The following SAMD4B variants were observed in gnomAD, a reference collection of about 807,000 sequenced individuals.
The protein encoded by SAMD4B is sterile alpha motif domain containing 4B.
SAMD4B carries 5 observed loss-of-function variants against 74.5 expected under a neutral mutation model. The observed-to-expected ratio is 0.07, with a 90% CI of 0.04 to 0.14. SAMD4B has a LOEUF of 0.14. SAMD4B is among the 10% of genes least tolerant of loss of function. The pLI, the probability that SAMD4B is intolerant of heterozygous loss-of-function variation, is 1.00. For synonymous variants in SAMD4B, 373 were observed against 374.9 expected, an observed-to-expected ratio of 1.00 and a Z score of 0.06; for missense variants, 608 against 921.8, an observed-to-expected ratio of 0.66 and a Z score of 4.41.
chr19:39,344,255 C>G (rs2075551133), intron 1 of SAMD4B, among the ~76,000 whole-genome samples: 1 of 152,128 alleles, frequency 6.6e-6, no homozygotes, highest in Non-Finnish European at 1.5e-5. Context: ...CTGAGAAAGT[C>G]CTATAATTCT....
At chr19:39,358,099 C>T (rs955417529) in intron 3 of SAMD4B, among the ~76,000 whole-genome samples, 6 of 151,984 alleles carry the variant, frequency 3.9e-5, no homozygotes, top group South Asian at 4.1e-4. Context: ...GGCAAAACCC[C>T]GTGTCTATTA....
chr19:39,353,167 G>A (rs1433030781), intron 1 of SAMD4B, among the ~76,000 whole-genome samples: 1 of 152,194 alleles, frequency 6.6e-6, no homozygotes, highest in Admixed American at 6.5e-5. Context: ...AAGGAAAACC[G>A]ATTTTTTTAG....
downstream of SAMD4B, chr19:39,388,560 A>G: frequency 6.2e-7 from 1 of 1,612,820 alleles, no homozygotes; most frequent in Non-Finnish European, 8.5e-7. Context: ...ACCCACGCAC[A>G]CATCATCTGG....
At chr19:39,370,429 A>G (rs2077220598) in intron 4 of SAMD4B, among the ~76,000 whole-genome samples, 1 of 152,238 alleles carries the variant, frequency 6.6e-6, no homozygotes, top group Non-Finnish European at 1.5e-5. Context: ...TTTCTTGAGA[A>G]GTCAAAAGAT....
intron 1 of SAMD4B, among the ~76,000 whole-genome samples, chr19:39,344,748 A>AAGAT (rs1308887610): frequency 6.6e-6 from 1 of 151,986 alleles, no homozygotes; most frequent in Non-Finnish European, 1.5e-5. Context: ...TTTCCTTGTA[A>AAGAT]AGATTCTTGA....
chr19:39,357,114 G>C (rs777739369), intron 3 of SAMD4B, 25 bp downstream of exon 3: 4 of 1,574,728 alleles, frequency 2.5e-6, no homozygotes, highest in Non-Finnish European at 3.5e-6. Context: ...TTAGAGATGG[G>C]AGCACAGCAG....
At chr19:39,387,485 T>C (rs755137031), downstream of SAMD4B, among the ~76,000 whole-genome samples, 1 of 152,150 alleles carries the variant, frequency 6.6e-6, no homozygotes, top group Non-Finnish European at 1.5e-5. Context: ...TGGAAGTGAA[T>C]AGTGCCCTCC....
chr19:39,357,401 G>A (rs961865450), intron 3 of SAMD4B, among the ~76,000 whole-genome samples: 2 of 152,148 alleles, frequency 1.3e-5, no homozygotes, highest in South Asian at 2.1e-4. Context: ...TATGAAAGGC[G>A]TATAGAAGGT....
intron 3 of SAMD4B, among the ~76,000 whole-genome samples, chr19:39,366,936 C>A (rs2076995218): frequency 6.6e-6 from 1 of 152,156 alleles, no homozygotes; most frequent in Non-Finnish European, 1.5e-5. Flanking sequence ...CCTTTAGAAT[C>A]TCTGTGTGTA....
At chr19:39,389,050 G>T (rs2078315313), downstream of SAMD4B, 7 of 1,612,694 alleles carry the variant, frequency 4.3e-6, no homozygotes. This position sits in a 1 kb window ranked among gnomAD's most constrained non-coding sequence, Gnocchi z 5.3. Flanking sequence ...GAGGAGCTCT[G>T]CAGCCGCACC....
chr19:39,355,657 A>C (rs771941532), intron 2 of SAMD4B, among the ~76,000 whole-genome samples: 1 of 152,116 alleles, frequency 6.6e-6, no homozygotes, highest in Non-Finnish European at 1.5e-5. Context: ...AGACACTTAG[A>C]AAAAGCCTTC....
chr19:39,371,485 G>A (rs914085381), intron 4 of SAMD4B, among the ~76,000 whole-genome samples: 1 of 152,136 alleles, frequency 6.6e-6, no homozygotes, highest in African/African-American at 2.4e-5. Context: ...GTTCCAGGAT[G>A]GGAGGATGTA....
At chr19:39,389,986 G>T, downstream of SAMD4B, 1 of 1,190,850 alleles carries the variant, frequency 8.4e-7, no homozygotes, top group Non-Finnish European at 1.2e-6. This position sits in a 1 kb window ranked among gnomAD's most constrained non-coding sequence, Gnocchi z 5.3. Context: ...GCTAGGCCCT[G>T]AGCAGACAGC....
At chr19:39,345,808 C>T (rs1204722947) in intron 1 of SAMD4B, among the ~76,000 whole-genome samples, 1 of 152,212 alleles carries the variant, frequency 6.6e-6, no homozygotes, top group Non-Finnish European at 1.5e-5. Flanking sequence ...CCAAGTTCCT[C>T]AGATCTCACT....
downstream of SAMD4B, chr19:39,389,267 C>T: frequency 2.5e-6 from 4 of 1,611,838 alleles, no homozygotes; most frequent in Non-Finnish European, 3.4e-6. The surrounding 1 kb of genome is among the most constrained non-coding windows in gnomAD (Gnocchi z 5.3). Flanking sequence ...CCCTCTCTTC[C>T]TGTTAGTAAC....
At chr19:39,373,277 T>C (rs1271654732) in intron 4 of SAMD4B, among the ~76,000 whole-genome samples, 1 of 152,206 alleles carries the variant, frequency 6.6e-6, no homozygotes, top group Non-Finnish European at 1.5e-5. Context: ...CTAGGCTGAC[T>C]TGGGGTACTT....
At chr19:39,354,470 A>G (rs2076229090) in intron 2 of SAMD4B, among the ~76,000 whole-genome samples, 1 of 152,116 alleles carries the variant, frequency 6.6e-6, no homozygotes, top group Non-Finnish European at 1.5e-5. Flanking sequence ...TAGAAATCCC[A>G]AGTGTGGCTT....
At chr19:39,358,154 C>A (rs1239662946) in intron 3 of SAMD4B, among the ~76,000 whole-genome samples, 1 of 152,058 alleles carries the variant, frequency 6.6e-6, no homozygotes, top group East Asian at 1.9e-4. Context: ...GCCTGTAATC[C>A]CAGCTACTCG....
At chr19:39,390,003 C>T, downstream of SAMD4B, 2 of 1,331,606 alleles carry the variant, frequency 1.5e-6, no homozygotes, top group Non-Finnish European at 2.2e-6. Context: ...CAGCAGCCAA[C>T]GAGACAAGCA....
Sources: gnomAD v4.1 joint callset for allele counts (sites outside exome capture counted in the v4.1 genomes callset) on GRCh38, gnomAD v4.1.1 for gene constraint, Gnocchi (gnomAD v3.1) non-coding constraint, MANE v1.5 for transcripts, NCBI Gene and HGNC (gene_info 2026-07-23, HGNC 2026-07-21) for gene names.